The following HTR3B variants were observed in gnomAD, a reference collection of about 807,000 sequenced individuals.
HTR3B encodes the protein 5-hydroxytryptamine receptor 3B.
HTR3B carries 44 observed loss-of-function variants against 42.8 expected under a neutral mutation model. The observed-to-expected ratio is 1.03, with a 90% CI of 0.81 to 1.32. The LOEUF (loss-of-function observed/expected upper bound fraction) is 1.32. Among genes scored for constraint, HTR3B ranks in the 40% most tolerant of loss-of-function variants. The pLI, the probability that HTR3B is intolerant of heterozygous loss-of-function variation, is 0.00. For missense variants in HTR3B, 527 were observed against 536.5 expected (o/e 0.98, Z 0.17); for synonymous variants, 203 against 209.0 (o/e 0.97, Z 0.25).
At chr11:113,917,677 T>C (rs1485165308) in intron 2 of HTR3B, among the ~76,000 whole-genome samples, 1 of 152,094 alleles carries the variant, frequency 6.6e-6, no homozygotes, top group Non-Finnish European at 1.5e-5. Context: ...GCGGCATGTC[T>C]CACTGCAGCC....
At chr11:113,901,143 T>C (rs1353197154), upstream of HTR3B, among the ~76,000 whole-genome samples, 1 of 151,934 alleles carries the variant, frequency 6.6e-6, no homozygotes, top group Non-Finnish European at 1.5e-5. Flanking sequence ...ATACCAAACC[T>C]AAAAGAACTG....
At chr11:113,938,926 C>T (rs139415031) in intron 6 of HTR3B, among the ~76,000 whole-genome samples, 9,478 of 151,446 alleles carry the variant, frequency 0.063, 351 homozygotes, top group African/African-American at 0.085. Context: ...ACCTGTGAGG[C>T]GGAGGTTGCA....
Position 113,946,152 on chromosome 11 carries a change from T to C in HTR3B, c.*15T>C. The C allele has an allele frequency of 6.3e-7, 1 of 1,581,564 alleles. No individual in the cohort carries two copies. Among genetic ancestry groups the C allele is most frequent in the Non-Finnish European group, 8.7e-7 (1 of 1,151,340 alleles). On this transcript the variant is annotated 3_prime_UTR_variant, in exon 9 of 9. Transcript: ENST00000260191. The stretch of plus-strand genomic sequence containing the variant: ...GCGGCGTGTGAAGACTGAAGTGTTC[T>C]TCAGTAATTGTGCTGGCACTTAGGA...
intron 1 of HTR3B, among the ~76,000 whole-genome samples, chr11:113,908,553 T>A (rs1407787798): frequency 6.6e-6 from 1 of 152,224 alleles, no homozygotes; most frequent in Non-Finnish European, 1.5e-5. Flanking sequence ...CACAAATTTG[T>A]CACTTCCAAT....
At chr11:113,915,309 T>A (rs1413610660) in intron 2 of HTR3B, among the ~76,000 whole-genome samples, 1 of 152,234 alleles carries the variant, frequency 6.6e-6, no homozygotes, top group Non-Finnish European at 1.5e-5. Flanking sequence ...GCTCTTTAGA[T>A]ATCTTTACAT....
chr11:113,943,575 T>A (rs1053328294), intron 7 of HTR3B, among the ~76,000 whole-genome samples: 1 of 151,888 alleles, frequency 6.6e-6, no homozygotes, highest in Non-Finnish European at 1.5e-5. Context: ...CCTCAGGTGG[T>A]CCGCCCACCT....
chr11:113,928,636 A>G (rs1950000200), intron 2 of HTR3B, among the ~76,000 whole-genome samples: 1 of 152,160 alleles, frequency 6.6e-6, no homozygotes, highest in African/African-American at 2.4e-5. Context: ...CCCTGGGATC[A>G]AGCAATTCTC....
intron 2 of HTR3B, among the ~76,000 whole-genome samples, chr11:113,922,955 A>G (rs992218596): frequency 2.0e-5 from 3 of 152,214 alleles, no homozygotes; most frequent in Non-Finnish European, 4.4e-5. Flanking sequence ...ACTCATATTC[A>G]TATTTTCCAT....
intron 6 of HTR3B, among the ~76,000 whole-genome samples, chr11:113,942,414 G>A (rs540498461): frequency 2.6e-5 from 4 of 152,276 alleles, no homozygotes; most frequent in Middle Eastern, 3.4e-3. Context: ...AGCTGAGATC[G>A]CGCCATTGCA....
intron 7 of HTR3B, among the ~76,000 whole-genome samples, chr11:113,944,047 G>C (rs1253245898): frequency 1.4e-5 from 2 of 144,376 alleles, no homozygotes; most frequent in African/African-American, 5.2e-5. Flanking sequence ...TTGAGATGGA[G>C]TCTTGCTGTG....
In HTR3B at chr11:113,930,470, GT is replaced by G. The variant is rs75746006; in HGVS notation, c.214-905del. On this transcript the variant is annotated intron_variant, in intron 2 of 8. Transcript: ENST00000260191. The stretch of plus-strand genomic sequence containing the variant: ...GATATGAAAAAAATTGGTGAGGAGG[GT>G]TTTTTTTTCTTTTCTCTTTTTTTTT... Among the ~76,000 whole-genome samples the G allele has an allele frequency of 1.2e-3, 175 of 141,698 alleles. 2 individuals are homozygous for G. In the East Asian group the frequency reaches 0.022, roughly 18 times the overall value. The allele number at this position is 141,698 out of a possible 152,430, so 93.0% of individuals were successfully genotyped here.
intron 1 of HTR3B, among the ~76,000 whole-genome samples, chr11:113,905,206 C>A (rs570199475): frequency 2.2e-4 from 34 of 152,216 alleles, no homozygotes; most frequent in African/African-American, 7.9e-4. Flanking sequence ...GACTGTGGGG[C>A]TTTTTACACA....
chr11:113,948,885 G>C lies in HTR3B; in HGVS notation c.*2748G>C, dbSNP rs1048571574. On this transcript the variant is annotated 3_prime_UTR_variant, in exon 9 of 9. Transcript: ENST00000260191. Reference sequence around the variant, plus strand: ...TCTCAAAAAAAAAAAAAAGTTTAAAGTGCTTTGGGAAGGGGGAGGGATAGC... The same window carrying C: ...TCTCAAAAAAAAAAAAAAGTTTAAACTGCTTTGGGAAGGGGGAGGGATAGC... Among the ~76,000 whole-genome samples the C allele has an allele frequency of 1.3e-5, 2 of 149,858 alleles. No homozygotes were observed. Among genetic ancestry groups the C allele is most frequent in the Non-Finnish European group, 3.0e-5 (2 of 67,602 alleles).
intron 2 of HTR3B, among the ~76,000 whole-genome samples, chr11:113,910,589 C>T (rs932018823): frequency 4.6e-5 from 7 of 151,694 alleles, no homozygotes; most frequent in African/African-American, 1.2e-4. Context: ...TACAGGCATG[C>T]GCCACCACGC....
chr11:113,942,949 C>T, intron 6 of HTR3B, 33 bp from the exon 7 acceptor site: 1 of 1,597,472 alleles, frequency 6.3e-7, no homozygotes, highest in Non-Finnish European at 8.6e-7. Context: ...TGGCCTAGAT[C>T]CTCTTTTCAT....
chr11:113,906,350 G>A (rs79427400), intron 1 of HTR3B, among the ~76,000 whole-genome samples: 14,101 of 152,204 alleles, frequency 0.093, 821 homozygotes, highest in Middle Eastern at 0.19. Context: ...AACAAGGAGA[G>A]CCAGCTAATT....
chr11:113,942,831 C>T, intron 6 of HTR3B, 151 bp from the exon 7 acceptor site: 1 of 664,942 alleles, frequency 1.5e-6, no homozygotes, highest in Non-Finnish European at 2.6e-6. Context: ...CAAAAAGTAA[C>T]CTGAAACATA....
At chr11:113,909,984 C>CAAA (rs1178070726) in intron 2 of HTR3B, among the ~76,000 whole-genome samples, 462 of 38,986 alleles carry the variant, frequency 0.012, 29 homozygotes, top group Non-Finnish European at 0.018. Flanking sequence ...ACCTTGTCTC[C>CAAA]AAAAAAAAAA....
intron 8 of HTR3B, 144 bp from the exon 9 acceptor site, chr11:113,945,758 G>T (rs1460521293): frequency 3.1e-6 from 2 of 642,164 alleles, no homozygotes; most frequent in African/African-American, 1.8e-5. Flanking sequence ...AATCGGGTGG[G>T]GAGAGTACCC....
Sources: allele counts gnomAD v4.1 joint callset (sites outside exome capture counted in the v4.1 genomes callset), GRCh38; gene constraint gnomAD v4.1.1; transcripts MANE v1.5; gene names NCBI Gene and HGNC (gene_info 2026-07-23, HGNC 2026-07-21).